Variants in RAI14 observed in about 807,000 individuals in gnomAD.
RAI14 encodes the protein retinoic acid induced 14, also known as ankycorbin.
A neutral mutation model predicts 115.4 loss-of-function variants in RAI14; 45 were observed. The ratio of observed to expected loss-of-function variants is 0.39; its 90% CI spans 0.31 to 0.50. The LOEUF is 0.50. Among genes scored for constraint, RAI14 ranks in the 20% least tolerant of loss-of-function variants. The probability of loss-of-function intolerance (pLI) is 0.85; values close to 1 mark genes in which losing one functional copy is unlikely to be tolerated. For synonymous variants in RAI14, 371 were observed against 415.4 expected (o/e 0.89, Z 1.30); for missense variants, 939 against 1,131.2 (o/e 0.83, Z 2.44).
intron 2 of RAI14, chr5:34,688,363 T>C (rs926782856): frequency 1.9e-6 from 2 of 1,047,852 alleles, no homozygotes; most frequent in Non-Finnish European, 2.8e-6. Context: ...TTCATTTACA[T>C]AGGTTAAGAT....
At chr5:34,753,143 C>T (rs1561313122) in intron 2 of RAI14, among the ~76,000 whole-genome samples, 1 of 152,002 alleles carries the variant, frequency 6.6e-6, no homozygotes, top group Non-Finnish European at 1.5e-5. Context: ...CAGTCCTGTC[C>T]TATGGAGGGC....
chr5:34,730,543 G>A (rs537698971), intron 2 of RAI14, among the ~76,000 whole-genome samples: 4 of 152,014 alleles, frequency 2.6e-5, no homozygotes, highest in African/African-American at 9.7e-5. Context: ...AGGCTTAGTG[G>A]CATGCACCTG....
At chr5:34,681,678 T>C (rs1744390713) in intron 1 of RAI14, among the ~76,000 whole-genome samples, 2 of 151,356 alleles carry the variant, frequency 1.3e-5, no homozygotes, top group Admixed American at 1.3e-4. Context: ...AAATTTTTTT[T>C]TGTAGAGACT....
chr5:34,768,805 A>G (rs926837770), intron 3 of RAI14, among the ~76,000 whole-genome samples: 1 of 152,172 alleles, frequency 6.6e-6, no homozygotes, highest in Non-Finnish European at 1.5e-5. Flanking sequence ...CCTGGCCAAC[A>G]TGGTGAAATG....
intron 2 of RAI14, among the ~76,000 whole-genome samples, chr5:34,753,592 C>G (rs1302569607): frequency 6.6e-6 from 1 of 151,884 alleles, no homozygotes; most frequent in African/African-American, 2.4e-5. Context: ...CCAGCCTGGC[C>G]AATGTGGTGA....
chr5:34,771,150 A>C (rs1358399163), intron 3 of RAI14, among the ~76,000 whole-genome samples: 9 of 152,246 alleles, frequency 5.9e-5, no homozygotes, highest in Non-Finnish European at 1.2e-4. Flanking sequence ...TCTTTGACAC[A>C]TTTCCTAACC....
chr5:34,751,420 G>T (rs1221300043), intron 2 of RAI14, among the ~76,000 whole-genome samples: 3 of 152,186 alleles, frequency 2.0e-5, no homozygotes, highest in African/African-American at 7.2e-5. Context: ...TGGGATTACA[G>T]GTGTGAGCCA....
chr5:34,770,172 C>T (rs1054038816), intron 3 of RAI14, among the ~76,000 whole-genome samples: 15 of 152,172 alleles, frequency 9.9e-5, no homozygotes, highest in Admixed American at 6.5e-4. Context: ...GCCCATTCCC[C>T]GGTGATGCGG....
chr5:34,821,489 T>C (rs568501582), intron 13 of RAI14, among the ~76,000 whole-genome samples: 1 of 151,672 alleles, frequency 6.6e-6, no homozygotes, highest in East Asian at 1.9e-4. Flanking sequence ...ACCAAATTCA[T>C]CAATTTTCAG....
chr5:34,768,981 C>A lies in RAI14; in HGVS notation c.167+11383C>A, dbSNP rs1749791019. Among the ~76,000 whole-genome samples the A allele has an allele frequency of 2.7e-5, 4 of 150,412 alleles. 1 individual carries two copies. In the South Asian group the frequency reaches 8.4e-4, roughly 32 times the overall value. On this transcript the variant is annotated intron_variant, in intron 3 of 17. Coordinates refer to ENST00000265109, the MANE Select transcript of RAI14 (RefSeq NM_015577.3). ...TCCAGCTTGGATGACAGAGTGAGACCCAGTCTCAAAAAAAAAAAAAGGATG... is the reference window on the plus strand; with the variant it reads ...TCCAGCTTGGATGACAGAGTGAGACACAGTCTCAAAAAAAAAAAAAGGATG...
chr5:34,728,559 C>T (rs896515557), intron 2 of RAI14: 1 of 152,096 alleles, frequency 6.6e-6, no homozygotes, highest in African/African-American at 2.4e-5. Context: ...AGGGGAGCTC[C>T]CCTGCACATG....
chr5:34,824,160 TA>T lies in RAI14; in HGVS notation c.2319del (p.Glu774LysfsTer6). ...VEVAKLEKQL[L>X]EEKAAMTDAM... ...GTAGCAAAGCTGGAGAAACAACTCTTAGAAGAGAAAGCTGCTATGACTGATG... is the reference window on the plus strand; with the variant it reads ...GTAGCAAAGCTGGAGAAACAACTCTTGAAGAGAAAGCTGCTATGACTGATG... On this transcript the variant is annotated frameshift_variant, in exon 15 of 18. Transcript: ENST00000265109. LOFTEE classifies it high-confidence loss of function. The T allele has an allele frequency of 1.2e-6, 2 of 1,614,006 alleles. No homozygotes were observed. The highest frequency in any genetic ancestry group is 1.7e-6 in the Non-Finnish European group (2 of 1,179,958).
At chr5:34,805,077 T>C (rs1340811234) in intron 5 of RAI14, among the ~76,000 whole-genome samples, 2 of 152,232 alleles carry the variant, frequency 1.3e-5, no homozygotes, top group African/African-American at 2.4e-5. Flanking sequence ...CTTTGAAGCC[T>C]TTAAACAGTT....
intron 1 of RAI14, chr5:34,667,529 G>A (rs1336357350): frequency 6.6e-6 from 1 of 152,158 alleles, no homozygotes; most frequent in African/African-American, 2.4e-5. Flanking sequence ...GAGCCACCAT[G>A]CCCTGCCTGA....
chr5:34,742,312 C>T (rs564893127), intron 2 of RAI14, among the ~76,000 whole-genome samples: 2 of 152,292 alleles, frequency 1.3e-5, no homozygotes, highest in African/African-American at 2.4e-5. Context: ...TTTAACCTCT[C>T]GTCTTGGTCA....
At chr5:34,681,669 A>C (rs934297115) in intron 1 of RAI14, among the ~76,000 whole-genome samples, 3 of 150,348 alleles carry the variant, frequency 2.0e-5, no homozygotes, top group Non-Finnish European at 4.4e-5. Context: ...TAATTAAAAA[A>C]ATTTTTTTTT....
At chr5:34,812,665 C>CAA (rs372158532) in intron 10 of RAI14, among the ~76,000 whole-genome samples, 18,797 of 145,990 alleles carry the variant, frequency 0.13, 1,589 homozygotes, top group Non-Finnish European at 0.18. Flanking sequence ...AACTCCGTCT[C>CAA]AAAAAAAAAA....
chr5:34,687,014 C>T (rs754708870), intron 2 of RAI14, 59 bp downstream of exon 2: 43 of 1,576,760 alleles, frequency 2.7e-5, no homozygotes, highest in Admixed American at 8.4e-5. Context: ...GCTGCAGAAA[C>T]GCTCCTCCCC....
At chr5:34,826,208 T>C (rs765229922) in intron 15 of RAI14, 122 bp from the exon 16 acceptor site, 19 of 828,644 alleles carry the variant, frequency 2.3e-5, no homozygotes, top group Non-Finnish European at 3.4e-5. Flanking sequence ...AAAAAGGAAT[T>C]GTTCCAAAGT....
Sources: allele counts gnomAD v4.1 joint callset (sites outside exome capture counted in the v4.1 genomes callset), GRCh38; gene constraint gnomAD v4.1.1; transcripts MANE v1.5; gene names NCBI Gene and HGNC (gene_info 2026-07-23, HGNC 2026-07-21).